The following SMOC1 variants were observed in gnomAD, a reference collection of about 807,000 sequenced individuals.
The protein encoded by SMOC1 is SPARC related modular calcium binding 1.
SMOC1 carries 22 observed loss-of-function variants against 56.3 expected under a neutral mutation model. The observed-to-expected ratio is 0.39, with a 90% CI of 0.28 to 0.56. The LOEUF is 0.56. SMOC1 is among the 20% of genes least tolerant of loss of function. The pLI is 0.61. For missense variants in SMOC1, 509 were observed against 565.4 expected (o/e 0.90, Z 1.01); for synonymous variants, 193 against 215.0 (o/e 0.90, Z 0.89).
At position 70,030,420 on chromosome 14, in the gene SMOC1, T is replaced by G. The variant is rs1028526199; in HGVS notation, c.*162T>G. ...TAACTCTTACTTGCGTGTTTTGTTT[T>G]TGGTTTCATTTTAAAACACCAATAT... On this transcript the variant is annotated 3_prime_UTR_variant, in exon 12 of 12. Transcript: ENST00000361956. 3 of 856,526 alleles carry G rather than the reference T, an allele frequency of 3.5e-6. No homozygotes were observed. Among genetic ancestry groups the G allele is most frequent in the Admixed American group, 5.5e-5 (2 of 36,588 alleles). The allele number at this position is 856,526 out of a possible 1,614,324, so 53.1% of individuals were successfully genotyped here.
intron 5 of SMOC1, among the ~76,000 whole-genome samples, chr14:69,990,739 G>A (rs865995748): frequency 1.3e-5 from 2 of 152,210 alleles, no homozygotes; most frequent in African/African-American, 4.8e-5. Context: ...ACTCCAGTTT[G>A]AGGCAAATAG....
At chr14:69,917,642 C>T (rs1031270479) in intron 1 of SMOC1, among the ~76,000 whole-genome samples, 11 of 152,186 alleles carry the variant, frequency 7.2e-5, no homozygotes, top group African/African-American at 2.2e-4. Context: ...GGTAACACAT[C>T]GGTTGTTCAT....
intron 10 of SMOC1, among the ~76,000 whole-genome samples, chr14:70,019,824 T>G (rs1211164796): frequency 6.6e-6 from 1 of 152,208 alleles, no homozygotes; most frequent in African/African-American, 2.4e-5. Context: ...TGGGTCTTCT[T>G]TTGCACAGAC....
intron 1 of SMOC1, among the ~76,000 whole-genome samples, chr14:69,904,963 G>A (rs1479934011): frequency 6.6e-6 from 1 of 152,152 alleles, no homozygotes; most frequent in East Asian, 1.9e-4. Flanking sequence ...CTTAACACTA[G>A]ACAGAATCAT....
At chr14:69,959,902 A>T (rs753771240) in intron 3 of SMOC1, among the ~76,000 whole-genome samples, 18 of 152,102 alleles carry the variant, frequency 1.2e-4, no homozygotes, top group Admixed American at 6.6e-5. Context: ...TTGTTTCCTA[A>T]GTGCCTGGGG....
chr14:69,922,932 CT>C (rs536127994), intron 1 of SMOC1, among the ~76,000 whole-genome samples: 2 of 147,784 alleles, frequency 1.4e-5, no homozygotes, highest in Admixed American at 6.7e-5. Flanking sequence ...TCTCAGCCCT[CT>C]TTTTTTTGTT....
At chr14:69,998,418 C>G (rs979292351) in intron 7 of SMOC1, among the ~76,000 whole-genome samples, 1 of 147,924 alleles carries the variant, frequency 6.8e-6, no homozygotes, top group African/African-American at 2.4e-5. Context: ...GAAATATGAA[C>G]TCTTGCTAAG....
At position 70,010,755 on chromosome 14, in the gene SMOC1, G is replaced by A; in HGVS notation, c.666G>A (p.Glu222=). The change falls in exon 8 of 12, where the codon GAG becomes GAA. Residue 222 remains glutamate (E), a splice_region_variant and synonymous_variant. Transcript: ENST00000361956. ...CACAGGCTGTGTCTTCTCTTGCAGAGAAAGTCTATTCGTGTGACCAGGAGA... is the reference window on the plus strand; with the variant it reads ...CACAGGCTGTGTCTTCTCTTGCAGAAAAAGTCTATTCGTGTGACCAGGAGA... ...KLNNTNIRNS[E]KVYSCDQERQ... 3 of 1,614,198 alleles carry A rather than the reference G, an allele frequency of 1.9e-6. No homozygotes were observed. The highest frequency in any genetic ancestry group is 2.5e-6 in the Non-Finnish European group (3 of 1,180,010).
intron 1 of SMOC1, among the ~76,000 whole-genome samples, chr14:69,895,421 C>T (rs760606820): frequency 6.6e-6 from 1 of 152,224 alleles, no homozygotes; most frequent in Admixed American, 6.5e-5. Context: ...TCAATGTAAA[C>T]ATCCACCCAA....
rs151176523 is a variant in SMOC1 at position 70,011,364 on chromosome 14, G to C, written c.858-121G>C. 700 of 936,026 alleles carry C rather than the reference G, an allele frequency of 7.5e-4. 8 individuals carry two copies. In the East Asian group the frequency reaches 0.014, roughly 19 times the overall value. The allele number at this position is 936,026 out of a possible 1,614,324, so 58.0% of individuals were successfully genotyped here. On this transcript the variant is annotated intron_variant, in intron 8 of 11. Transcript: ENST00000361956. Reference sequence around the variant, plus strand: ...GCTGCCGGGCAGCGCAAGAGATATCGTTCTGCCCACCCTCAGTGCTTTAGG... The same window carrying C: ...GCTGCCGGGCAGCGCAAGAGATATCCTTCTGCCCACCCTCAGTGCTTTAGG...
At chr14:69,913,471 T>TGTGC (rs1884608362) in intron 1 of SMOC1, among the ~76,000 whole-genome samples, 1 of 151,944 alleles carries the variant, frequency 6.6e-6, no homozygotes, top group Non-Finnish European at 1.5e-5. Context: ...TGTGTGTGTG[T>TGTGC]GCGTGTGTGT....
intron 5 of SMOC1, among the ~76,000 whole-genome samples, chr14:69,985,131 T>C (rs927726991): frequency 6.6e-6 from 1 of 151,512 alleles, no homozygotes; most frequent in Non-Finnish European, 1.5e-5. Context: ...AGGGCAAATA[T>C]GCACACAAGA....
At chr14:70,010,981 A>T in intron 8 of SMOC1, 35 bp downstream of exon 8, 1 of 1,609,564 alleles carries the variant, frequency 6.2e-7, no homozygotes, top group Non-Finnish European at 8.5e-7. Flanking sequence ...GGAAAAACGC[A>T]CCTGCTGGCT....
chr14:69,985,506 C>T (rs1472797713), intron 5 of SMOC1, among the ~76,000 whole-genome samples: 1 of 152,176 alleles, frequency 6.6e-6, no homozygotes, highest in East Asian at 1.9e-4. Context: ...CCCCAAATGT[C>T]CTTCAGTGGA....
At chr14:69,925,312 A>G (rs2139378698) in intron 1 of SMOC1, among the ~76,000 whole-genome samples, 1 of 151,068 alleles carries the variant, frequency 6.6e-6, no homozygotes, top group Non-Finnish European at 1.5e-5. Flanking sequence ...GTAAGATGTG[A>G]CTCTCACATG....
At chr14:69,920,662 C>T (rs1216301033) in intron 1 of SMOC1, among the ~76,000 whole-genome samples, 1 of 151,966 alleles carries the variant, frequency 6.6e-6, no homozygotes, top group African/African-American at 2.4e-5. Flanking sequence ...AGTTTACAGT[C>T]TGGTGGGGGG....
chr14:69,888,853 T>C lies in SMOC1; in HGVS notation c.99+9076T>C, dbSNP rs369634795. ...GCCAAACCCCTGGGGAGAGGACACA[T>C]TGTAGATAACAAATAAAAGAGTGAG... On this transcript the variant is annotated intron_variant, in intron 1 of 11. Transcript: ENST00000361956. 9.2e-5 allele frequency among the ~76,000 whole-genome samples: 14 copies of C among 152,316 alleles called. No individual in the cohort carries two copies. The East Asian group carries it at 1.9e-3, about 21-fold the overall frequency.
intron 7 of SMOC1, among the ~76,000 whole-genome samples, chr14:70,003,092 T>C (rs1885027199): frequency 6.6e-6 from 1 of 152,240 alleles, no homozygotes; most frequent in Non-Finnish European, 1.5e-5. Flanking sequence ...TGGTTTCTTA[T>C]GCCTCTGGAA....
intron 1 of SMOC1, among the ~76,000 whole-genome samples, chr14:69,923,693 G>A (rs1356253805): frequency 2.0e-5 from 3 of 152,110 alleles, no homozygotes; most frequent in South Asian, 2.1e-4. Context: ...ACCTGCTCTC[G>A]ATTTGACATC....
Sources: gnomAD v4.1 joint callset for allele counts (sites outside exome capture counted in the v4.1 genomes callset) on GRCh38, gnomAD v4.1.1 for gene constraint, MANE v1.5 for transcripts, NCBI Gene and HGNC (gene_info 2026-07-23, HGNC 2026-07-21) for gene names.